Variants in FNIP2 observed in about 807,000 individuals in gnomAD.
The protein encoded by FNIP2 is folliculin-interacting protein 2.
A neutral mutation model predicts 108.7 loss-of-function variants in FNIP2; 32 were observed. The observed-to-expected ratio is 0.29, with a 90% CI of 0.22 to 0.40. FNIP2 has a LOEUF of 0.40. FNIP2 is among the 10% of genes least tolerant of loss of function. The pLI is 1.00. For missense variants in FNIP2, 1,202 were observed against 1,381.6 expected (o/e 0.87, Z 2.06); for synonymous variants, 480 against 496.7 (o/e 0.97, Z 0.45).
At position 158,904,577 on chromosome 4, in the gene FNIP2, A is replaced by G; in HGVS notation, c.*33A>G. 6.4e-7 allele frequency: 1 copy of G among 1,572,986 alleles called. No homozygotes were observed. The highest frequency in any genetic ancestry group is 8.7e-7 in the Non-Finnish European group (1 of 1,147,430). On this transcript the variant is annotated 3_prime_UTR_variant, in exon 17 of 17. Coordinates refer to ENST00000264433, the MANE Select transcript of FNIP2 (RefSeq NM_020840.3). ...CTCAGGACAGTTCTTCCTTGGAAGA[A>G]AAAAATCAAATTCTCAACTGAAGGA...
intron 15 of FNIP2, among the ~76,000 whole-genome samples, chr4:158,892,581 A>G (rs190082199): frequency 2.8e-4 from 42 of 152,166 alleles, no homozygotes; most frequent in Admixed American, 2.3e-3. Flanking sequence ...AGGGAGGGGG[A>G]AAGGTTTCAA....
intron 14 of FNIP2, among the ~76,000 whole-genome samples, chr4:158,877,383 T>C (rs1017770300): frequency 6.6e-6 from 1 of 152,230 alleles, no homozygotes; most frequent in Non-Finnish European, 1.5e-5. Flanking sequence ...CATGTATACC[T>C]ACAAGGATCC....
chr4:158,892,280 G>T (rs1222187649), intron 15 of FNIP2, among the ~76,000 whole-genome samples: 1 of 151,888 alleles, frequency 6.6e-6, no homozygotes, highest in Admixed American at 6.6e-5. Context: ...TGGACTAGAG[G>T]CATGTGCCAC....
chr4:158,787,731 C>T (rs1289432999), intron 1 of FNIP2, among the ~76,000 whole-genome samples: 1 of 152,072 alleles, frequency 6.6e-6, no homozygotes, highest in Non-Finnish European at 1.5e-5. Flanking sequence ...TTGTTATTTT[C>T]ATTAGACTTT....
chr4:158,867,249 G>C (rs984666732), intron 12 of FNIP2, among the ~76,000 whole-genome samples: 6 of 152,172 alleles, frequency 3.9e-5, no homozygotes, highest in Non-Finnish European at 7.3e-5. Flanking sequence ...CTGGAGTGCA[G>C]TGGTGCCATC....
chr4:158,868,447 G>C lies in FNIP2; in HGVS notation c.1811G>C (p.Gly604Ala). ...ACAGGGTTTCCTGAGTGCCCAGAGGGCACTGACAGTAGAGACCTGGGTCTT... is the reference window on the plus strand; with the variant it reads ...ACAGGGTTTCCTGAGTGCCCAGAGGCCACTGACAGTAGAGACCTGGGTCTT... ...WPTGFPECPEGTDSRDLGLKP... is the reference protein window; with the variant it reads ...WPTGFPECPEATDSRDLGLKP... Residue 604 changes from glycine (G) to alanine (A), a missense_variant, in exon 13 of 17, where the codon GGC becomes GCC. Gly to Ala is a moderately conservative substitution (Grantham distance 60). Transcript: ENST00000264433. The surrounding 1 kb of genome is among the most constrained non-coding windows in gnomAD (Gnocchi z 4.6). The C allele has an allele frequency of 6.2e-7, 1 of 1,614,044 alleles. No homozygotes were observed. Among genetic ancestry groups the C allele is most frequent in the Non-Finnish European group, 8.5e-7 (1 of 1,179,892 alleles).
intron 1 of FNIP2, among the ~76,000 whole-genome samples, chr4:158,800,711 C>T (rs1776733651): frequency 6.6e-6 from 1 of 152,008 alleles, no homozygotes; most frequent in East Asian, 1.9e-4. Flanking sequence ...TTTCTTTTTT[C>T]TGTTTTAGTT....
intron 8 of FNIP2, among the ~76,000 whole-genome samples, chr4:158,858,711 A>G (rs1780123139): frequency 6.6e-6 from 1 of 152,200 alleles, no homozygotes; most frequent in Admixed American, 6.5e-5. Flanking sequence ...TGTCTTATCT[A>G]TTGGTATCTG....
Position 158,868,455 on chromosome 4 carries a change from A to G in FNIP2, c.1819A>G (p.Ser607Gly), listed in dbSNP as rs746799652. ...TCCTGAGTGCCCAGAGGGCACTGAC[A>G]GTAGAGACCTGGGTCTTAAACCTGA... is the stretch of plus-strand genomic sequence containing the variant. ...GFPECPEGTD[S>G]RDLGLKPDKE... Residue 607 changes from serine (S) to glycine (G), a missense_variant, in exon 13 of 17, where the codon AGT (serine) becomes GGT (glycine). This residue lies in a region of FNIP2 where 878 missense variants were observed against 990.3 expected (regional missense o/e 0.89). Coordinates refer to ENST00000264433, the MANE Select transcript of FNIP2 (RefSeq NM_020840.3). The surrounding 1 kb of genome is among the most constrained non-coding windows in gnomAD (Gnocchi z 4.6). The G allele has an allele frequency of 6.2e-7, 1 of 1,614,058 alleles. No individual in the cohort carries two copies.
chr4:158,815,660 GGCCCAGTAATCCA>G, intron 1 of FNIP2, among the ~76,000 whole-genome samples: 1 of 152,136 alleles, frequency 6.6e-6, no homozygotes, highest in Middle Eastern at 3.4e-3. Context: ...CACCGCGCCC[GGCCCAGTAATCCA>G]GCTTTCTACT....
chr4:158,853,364 C>A (rs971258077), intron 8 of FNIP2, among the ~76,000 whole-genome samples: 2 of 152,192 alleles, frequency 1.3e-5, no homozygotes, highest in African/African-American at 4.8e-5. Flanking sequence ...ACTATGACAA[C>A]ATCTGGATAA....
Position 158,859,182 on chromosome 4 carries a change from A to T in FNIP2, c.983A>T (p.Asn328Ile). 1 of 1,613,816 alleles carries T rather than the reference A, an allele frequency of 6.2e-7. No individual in the cohort carries two copies. The highest frequency in any genetic ancestry group is 8.5e-7 in the Non-Finnish European group (1 of 1,179,792). ...SLCEKEEAQR[N>I]FQDFFFSHFP... is the part of the protein sequence containing the mutation. ...TGTGAGAAAGAAGAAGCACAAAGGA[A>T]TTTCCAGGACTTCTTCTTTTCTCAT... is the stretch of plus-strand genomic sequence containing the variant. Residue 328 changes from asparagine (N) to isoleucine (I), a missense_variant, in exon 9 of 17, where the codon AAT (asparagine) becomes ATT (isoleucine). By Grantham distance (149) the Asn-to-Ile change is moderately radical (BLOSUM62 -3). Around this residue, in one of 5 missense-constraint regions of FNIP2, gnomAD observed 878 missense variants for 990.3 expected, o/e 0.89. Transcript: ENST00000264433.
chr4:158,861,902 T>C, intron 12 of FNIP2, 126 bp downstream of exon 12: 1 of 1,136,348 alleles, frequency 8.8e-7, no homozygotes, highest in South Asian at 1.5e-5. Context: ...AGATGAGGAA[T>C]AGGAAGTTGG....
In FNIP2 at chr4:158,828,878, C is replaced by T. The variant is rs79189041; in HGVS notation, c.235-201C>T. Among the ~76,000 whole-genome samples the T allele has an allele frequency of 2.8e-3, 422 of 152,214 alleles. 3 individuals carry two copies. The highest frequency in any genetic ancestry group is 9.7e-3 in the African/African-American group (401 of 41,504). ...GGATAAAGTCTTAATACATAACCTACCTCCTTTTGTCTAGAACCCTTCTTC... is the reference window on the plus strand; with the variant it reads ...GGATAAAGTCTTAATACATAACCTATCTCCTTTTGTCTAGAACCCTTCTTC... On this transcript the variant is annotated intron_variant, in intron 2 of 16. Transcript: ENST00000264433.
intron 1 of FNIP2, among the ~76,000 whole-genome samples, chr4:158,824,992 T>C (rs1778076396): frequency 6.6e-6 from 1 of 152,224 alleles, no homozygotes; most frequent in East Asian, 1.9e-4. Flanking sequence ...CTTTTCACAG[T>C]TTGTAGTGAT....
At position 158,868,214 on chromosome 4, in the gene FNIP2, T is replaced by C. The variant is rs779495307; in HGVS notation, c.1578T>C (p.Arg526=). 1.2e-6 allele frequency: 2 copies of C among 1,614,058 alleles called. No individual in the cohort carries two copies. The highest frequency in any genetic ancestry group is 2.2e-5 in the East Asian group (1 of 44,886). The change falls in exon 13 of 17, where the codon CGT becomes CGC. Residue 526 remains arginine, a synonymous_variant. Coordinates refer to ENST00000264433, the MANE Select transcript of FNIP2 (RefSeq NM_020840.3). This position sits in a 1 kb window ranked among gnomAD's most constrained non-coding sequence, Gnocchi z 4.6. ...TTTATGTCCTGACCTACTTTCTCCG[T>C]TGCTCTGAGCTACAAGAGAACCAGC... ...RILYVLTYFL[R]CSELQENQLT...
chr4:158,862,455 G>A (rs1203348549), intron 12 of FNIP2, among the ~76,000 whole-genome samples: 2 of 152,192 alleles, frequency 1.3e-5, no homozygotes. Flanking sequence ...GGTAAAAGGC[G>A]TGTTCTAAAT....
intron 14 of FNIP2, among the ~76,000 whole-genome samples, chr4:158,889,048 C>T (rs1782158084): frequency 6.6e-6 from 1 of 151,746 alleles, no homozygotes; most frequent in Admixed American, 6.6e-5. Flanking sequence ...TTTTAATTAG[C>T]CAGGTGTGGT....
chr4:158,811,514 A>G (rs538406235), intron 1 of FNIP2, among the ~76,000 whole-genome samples: 18 of 152,030 alleles, frequency 1.2e-4, no homozygotes, highest in Non-Finnish European at 2.2e-4. Context: ...CTTTGGGCAC[A>G]TCATTTCATC....
Sources: gnomAD v4.1 joint callset for allele counts (sites outside exome capture counted in the v4.1 genomes callset) on GRCh38, gnomAD v4.1.1 for gene constraint, gnomAD v4.1.1 regional missense constraint, Gnocchi (gnomAD v3.1) non-coding constraint, MANE v1.5 for transcripts, NCBI Gene and HGNC (gene_info 2026-07-23, HGNC 2026-07-21) for gene names.